Variants in RABGEF1 observed in about 807,000 individuals in gnomAD.
RABGEF1 encodes rab5 GDP/GTP exchange factor.
In RABGEF1, 26 loss-of-function variants were observed where a neutral mutation model predicts 57.3. That is an observed-to-expected ratio of 0.45 (90% CI 0.33 to 0.63). RABGEF1 has a LOEUF of 0.63. Among genes scored for constraint, RABGEF1 ranks in the 20% least tolerant of loss-of-function variants. RABGEF1 has a pLI of 0.02. For synonymous variants in RABGEF1, 185 were observed against 210.7 expected, an observed-to-expected ratio of 0.88 and a Z score of 1.06; for missense variants, 464 against 607.6, an observed-to-expected ratio of 0.76 and a Z score of 2.48.
chr7:66,663,031 A>G, the RABGEF1 span, among the ~76,000 whole-genome samples: 1 of 152,242 alleles, frequency 6.6e-6, no homozygotes, highest in African/African-American at 2.4e-5. Context: ...GAATGAGGGC[A>G]AGAAACACCT....
intron 2 of RABGEF1, among the ~76,000 whole-genome samples, chr7:66,718,666 T>C (rs1795670610): frequency 6.6e-6 from 1 of 152,172 alleles, no homozygotes; most frequent in Non-Finnish European, 1.5e-5. Flanking sequence ...CCCAAATACT[T>C]CGCAGTATTC....
intron 1 of RABGEF1, among the ~76,000 whole-genome samples, chr7:66,705,443 AAGAGAGAGAGAGAG>A (rs57856916): frequency 3.2e-4 from 21 of 66,370 alleles, no homozygotes; most frequent in South Asian, 5.9e-4. Context: ...TCTCGAAAGA[AAGAGAGAGAGAGAG>A]AGAGAGAGAG....
At chr7:66,696,401 A>G (rs1255878349) in intron 1 of RABGEF1, among the ~76,000 whole-genome samples, 1 of 151,832 alleles carries the variant, frequency 6.6e-6, no homozygotes, top group Non-Finnish European at 1.5e-5. Context: ...GAGAAAGTGG[A>G]CCGTGGGGCT....
At chr7:66,759,831 A>G (rs1803811521) in intron 1 of RABGEF1, among the ~76,000 whole-genome samples, 1 of 152,214 alleles carries the variant, frequency 6.6e-6, no homozygotes, top group African/African-American at 2.4e-5. Flanking sequence ...GGGGATTACA[A>G]TTCAGCATGA....
Position 66,810,469 on chromosome 7 carries a change from G to T in RABGEF1, c.*1185G>T, listed in dbSNP as rs1329186579. 6.6e-6 allele frequency: 1 copy of T among 152,156 alleles called. No individual in the cohort carries two copies. The highest frequency in any genetic ancestry group is 2.4e-5 in the African/African-American group (1 of 41,436). The allele number at this position is 152,156 out of a possible 1,614,324, so 9.4% of individuals were successfully genotyped here. A position where few individuals can be genotyped will look rare whatever the true frequency, so the allele number is the denominator to read the frequency against. ...CACCCCTCCGTTAAGAACCACTGAT[G>T]TCTTTTACAAACCAGGAGTTATCCT... On this transcript the variant is annotated 3_prime_UTR_variant, in exon 9 of 9. Transcript: ENST00000284957.
At chr7:66,789,792 T>G (rs1220378831) in intron 4 of RABGEF1, among the ~76,000 whole-genome samples, 2 of 150,924 alleles carry the variant, frequency 1.3e-5, no homozygotes, top group Non-Finnish European at 3.0e-5. Flanking sequence ...AGGGGAAACT[T>G]AAATCATCAT....
chr7:66,770,945 C>T (rs1806953772), intron 1 of RABGEF1, among the ~76,000 whole-genome samples: 1 of 151,984 alleles, frequency 6.6e-6, no homozygotes, highest in African/African-American at 2.4e-5. Flanking sequence ...GTCCTTTTCC[C>T]ATTTGTTAAT....
chr7:66,679,414 T>A (rs1304863425), upstream of RABGEF1, among the ~76,000 whole-genome samples: 1 of 152,154 alleles, frequency 6.6e-6, no homozygotes, highest in East Asian at 1.9e-4. Flanking sequence ...GCTCATGTGA[T>A]CCTACCACTT....
rs151285636 is a variant in RABGEF1 at position 66,810,064 on chromosome 7, C to G, written c.*780C>G. ...CTAGCTTATTTTTCCCTCATTCATT[C>G]AGCAAATCTCTATTGAGTTCTTCAG... is the stretch of plus-strand genomic sequence containing the variant. On this transcript the variant is annotated 3_prime_UTR_variant, in exon 9 of 9. Coordinates refer to ENST00000284957, the MANE Select transcript of RABGEF1 (RefSeq NM_014504.3). The G allele has an allele frequency of 6.6e-6, 1 of 152,192 alleles. No individual in the cohort carries two copies. The highest frequency in any genetic ancestry group is 6.5e-5 in the Admixed American group (1 of 15,276). The allele number at this position is 152,192 out of a possible 1,614,324, so 9.4% of individuals were successfully genotyped here. A position where few individuals can be genotyped will look rare whatever the true frequency, so the allele number is the denominator to read the frequency against.
chr7:66,672,288 C>T, the RABGEF1 span, among the ~76,000 whole-genome samples: 47 of 151,712 alleles, frequency 3.1e-4, no homozygotes, highest in South Asian at 1.2e-3. Flanking sequence ...AAAAATTAGC[C>T]GGGCGCGGTG....
chr7:66,676,952 T>C, the RABGEF1 span, among the ~76,000 whole-genome samples: 1 of 152,192 alleles, frequency 6.6e-6, no homozygotes, highest in Admixed American at 6.6e-5. Flanking sequence ...TCTATTTTCT[T>C]TTATTGCCTG....
intron 4 of RABGEF1, among the ~76,000 whole-genome samples, chr7:66,785,742 C>T (rs1272552543): frequency 2.0e-5 from 3 of 152,056 alleles, no homozygotes; most frequent in African/African-American, 7.2e-5. Flanking sequence ...GGCGTGGTGG[C>T]AGGCGCCTGT....
At chr7:66,660,256 G>A in the RABGEF1 span, among the ~76,000 whole-genome samples, 1 of 151,726 alleles carries the variant, frequency 6.6e-6, no homozygotes, top group East Asian at 1.9e-4. Context: ...GCTGAGGCAG[G>A]AGAATGGTGT....
intron 1 of RABGEF1, among the ~76,000 whole-genome samples, chr7:66,752,047 C>A (rs530023567): frequency 1.3e-5 from 2 of 152,096 alleles, no homozygotes; most frequent in East Asian, 3.9e-4. Context: ...CCAAAAAAAA[C>A]CCGCAAAAAA....
chr7:66,696,710 A>AAC (rs1288247797), intron 1 of RABGEF1, among the ~76,000 whole-genome samples: 3 of 151,570 alleles, frequency 2.0e-5, no homozygotes, highest in African/African-American at 7.3e-5. Flanking sequence ...AAAAAAAAAA[A>AAC]AAGAAAAATG....
chr7:66,761,348 G>T (rs1166952087), intron 1 of RABGEF1, among the ~76,000 whole-genome samples: 1 of 152,202 alleles, frequency 6.6e-6, no homozygotes, highest in African/African-American at 2.4e-5. Flanking sequence ...TCAAGTTGGG[G>T]TTCCCATGGC....
upstream of RABGEF1, chr7:66,740,143 A>C (rs1798587646): frequency 6.6e-6 from 1 of 152,104 alleles, no homozygotes; most frequent in African/African-American, 2.4e-5. Flanking sequence ...TGATTTGTAA[A>C]ATTTCTTTTG....
At chr7:66,792,573 A>G (rs1211866248) in intron 4 of RABGEF1, among the ~76,000 whole-genome samples, 1 of 152,188 alleles carries the variant, frequency 6.6e-6, no homozygotes, top group Non-Finnish European at 1.5e-5. Context: ...ATTAGACAGT[A>G]AGCAGTCTAC....
intron 4 of RABGEF1, among the ~76,000 whole-genome samples, chr7:66,793,000 C>A (rs1215292697): frequency 7.1e-6 from 1 of 140,406 alleles, no homozygotes; most frequent in Non-Finnish European, 1.6e-5. Flanking sequence ...GCATAAACTG[C>A]AGTAGAAATA....
Sources: allele counts gnomAD v4.1 joint callset (sites outside exome capture counted in the v4.1 genomes callset), GRCh38; gene constraint gnomAD v4.1.1; transcripts MANE v1.5; gene names NCBI Gene and HGNC (gene_info 2026-07-23, HGNC 2026-07-21).